The following EGFR variants were observed in gnomAD, a reference collection of about 807,000 sequenced individuals.
EGFR encodes avian erythroblastic leukemia viral (v-erb-b) oncogene homolog.
EGFR carries 58 observed loss-of-function variants against 143.0 expected under a neutral mutation model. That is an observed-to-expected ratio of 0.41 (90% CI 0.33 to 0.50). The LOEUF is 0.50. EGFR is among the 20% of genes least tolerant of loss of function. The pLI, the probability that EGFR is intolerant of heterozygous loss-of-function variation, is 0.39. For missense variants in EGFR, 1,307 were observed against 1,579.0 expected (o/e 0.83, Z 2.92); for synonymous variants, 613 against 594.4 (o/e 1.03, Z -0.45).
chr7:55,129,710 T>A (rs2128919226), intron 1 of EGFR, among the ~76,000 whole-genome samples: 1 of 152,338 alleles, frequency 6.6e-6, no homozygotes, highest in Non-Finnish European at 1.5e-5. Flanking sequence ...TTTCAGGACC[T>A]TGTATCTTAC....
intron 6 of EGFR, among the ~76,000 whole-genome samples, chr7:55,153,638 C>A (rs1785264873): frequency 6.6e-6 from 1 of 152,178 alleles, no homozygotes; most frequent in Admixed American, 6.5e-5. Context: ...ATAAAATATA[C>A]CCTCAATTGT....
intron 1 of EGFR, among the ~76,000 whole-genome samples, chr7:55,032,065 T>C (rs571157474): frequency 6.6e-6 from 1 of 152,174 alleles, no homozygotes; most frequent in Non-Finnish European, 1.5e-5. Context: ...TTTTCAAGGT[T>C]GATTTTTAGT....
At chr7:55,160,016 A>G (rs1785616818) in intron 11 of EGFR, 123 bp from the exon 12 acceptor site, 1 of 1,037,700 alleles carries the variant, frequency 9.6e-7, no homozygotes. Flanking sequence ...CTCCCACAGC[A>G]TGACCTACCA....
At chr7:55,187,423 C>T (rs1296848410) in intron 20 of EGFR, among the ~76,000 whole-genome samples, 1 of 152,136 alleles carries the variant, frequency 6.6e-6, no homozygotes, top group Non-Finnish European at 1.5e-5. Context: ...GGCCTGGTTC[C>T]ATGGTGCAGC....
At chr7:55,202,310 T>G (rs887945110) in intron 26 of EGFR, among the ~76,000 whole-genome samples, 1 of 152,224 alleles carries the variant, frequency 6.6e-6, no homozygotes, top group Non-Finnish European at 1.5e-5. Flanking sequence ...CTGCGGAAAG[T>G]TCTGCTGTAC....
intron 1 of EGFR, among the ~76,000 whole-genome samples, chr7:55,090,062 G>A (rs977315454): frequency 2.6e-5 from 4 of 152,048 alleles, no homozygotes; most frequent in South Asian, 2.1e-4. Flanking sequence ...TCTGCCTCCC[G>A]GGTTCAAGTG....
At chr7:55,085,719 C>A (rs1438855940) in intron 1 of EGFR, among the ~76,000 whole-genome samples, 1 of 152,184 alleles carries the variant, frequency 6.6e-6, no homozygotes, top group Admixed American at 6.5e-5. Context: ...TGCGAAGGAT[C>A]AAGGCAGAGT....
At chr7:55,110,630 TA>T (rs763566013) in intron 1 of EGFR, among the ~76,000 whole-genome samples, 2 of 152,270 alleles carry the variant, frequency 1.3e-5, no homozygotes, top group African/African-American at 2.4e-5. Flanking sequence ...GACTGGGAAT[TA>T]AGGAGCAAAG....
At chr7:55,112,238 G>A (rs1267624069) in intron 1 of EGFR, among the ~76,000 whole-genome samples, 1 of 152,206 alleles carries the variant, frequency 6.6e-6, no homozygotes, top group Non-Finnish European at 1.5e-5. Flanking sequence ...CACGATTTAA[G>A]GGTGGTTCAG....
rs397517125 is a variant in EGFR, at chr7:55,181,473, G to T, written c.2464G>T (p.Ala822Ser). The change falls in exon 20 of 28, where the codon GCA becomes TCA. Residue 822 changes from alanine (A) to serine (S), a missense_variant. Ala to Ser is a moderately conservative substitution (Grantham distance 99). This residue lies in a region of EGFR where 348 missense variants were observed against 451.5 expected (regional missense o/e 0.77). Coordinates refer to ENST00000275493, the MANE Select transcript of EGFR (RefSeq NM_005228.5). ...CCTGCTCAACTGGTGTGTGCAGATC[G>T]CAAAGGTAATCAGGGAAGGGAGATA... ...QYLLNWCVQI[A>S]KGMNYLEDRR... 3 of 1,614,194 alleles carry T rather than the reference G, an allele frequency of 1.9e-6. No homozygotes were observed. Among genetic ancestry groups the T allele is most frequent in the Admixed American group, 1.7e-5 (1 of 60,032 alleles).
intron 1 of EGFR, among the ~76,000 whole-genome samples, chr7:55,128,472 C>T (rs1296707083): frequency 1.3e-5 from 2 of 152,128 alleles, no homozygotes; most frequent in African/African-American, 4.8e-5. Flanking sequence ...AATCACAAAA[C>T]ATTTTCAAAA....
intron 1 of EGFR, among the ~76,000 whole-genome samples, chr7:55,080,664 A>C (rs1323524977): frequency 6.6e-5 from 10 of 152,294 alleles, no homozygotes; most frequent in Non-Finnish European, 1.2e-4. Context: ...TGTATACATG[A>C]AAATTGCTAA....
rs1204280975 is a variant in EGFR at position 55,155,864 on chromosome 7, C to A, written c.924C>A (p.Val308=). The change falls in exon 8 of 28, where the codon GTC becomes GTA. Residue 308 remains valine (V), a synonymous_variant. Coordinates refer to ENST00000275493, the MANE Select transcript of EGFR (RefSeq NM_005228.5). ...NYVVTDHGSC[V]RACGADSYEM... ...TGGTGACAGATCACGGCTCGTGCGT[C>A]CGAGCCTGTGGGGCCGACAGCTATG... The A allele has an allele frequency of 6.2e-7, 1 of 1,613,946 alleles. No individual in the cohort carries two copies. Among genetic ancestry groups the A allele is most frequent in the Non-Finnish European group, 8.5e-7 (1 of 1,179,984 alleles).
chr7:55,090,332 G>A (rs11981148), intron 1 of EGFR, among the ~76,000 whole-genome samples: 28,963 of 151,856 alleles, frequency 0.19, 3,130 homozygotes, highest in African/African-American at 0.28. Context: ...GGTACACAGC[G>A]CTTGTGTGCT....
intron 1 of EGFR, among the ~76,000 whole-genome samples, chr7:55,099,091 A>G (rs1791650538): frequency 6.6e-6 from 1 of 152,216 alleles, no homozygotes; most frequent in African/African-American, 2.4e-5. Flanking sequence ...ATCAATTTCT[A>G]AAACAGCCCT....
chr7:55,027,603 T>C (rs887211636), intron 1 of EGFR, among the ~76,000 whole-genome samples: 8 of 152,196 alleles, frequency 5.3e-5, no homozygotes, highest in Non-Finnish European at 1.2e-4. Flanking sequence ...TTATAGTTGA[T>C]AGCTTTAACT....
At chr7:55,086,437 G>A (rs1673405531) in intron 1 of EGFR, among the ~76,000 whole-genome samples, 1 of 152,270 alleles carries the variant, frequency 6.6e-6, no homozygotes, top group African/African-American at 2.4e-5. Flanking sequence ...TTTTCTGTGA[G>A]TCAATTCTTT....
chr7:55,068,080 G>T (rs1268527942), intron 1 of EGFR, among the ~76,000 whole-genome samples: 1 of 145,516 alleles, frequency 6.9e-6, no homozygotes, highest in Non-Finnish European at 1.5e-5. Flanking sequence ...ATACGTGTGT[G>T]TGTGTGCACA....
chr7:55,129,258 C>G (rs544868449), intron 1 of EGFR, among the ~76,000 whole-genome samples: 8 of 152,254 alleles, frequency 5.3e-5, no homozygotes, highest in African/African-American at 1.9e-4. Flanking sequence ...AGGCCACACA[C>G]GTGGAATTCC....
Sources: gnomAD v4.1 joint callset for allele counts (sites outside exome capture counted in the v4.1 genomes callset) on GRCh38, gnomAD v4.1.1 for gene constraint, gnomAD v4.1.1 regional missense constraint, MANE v1.5 for transcripts, NCBI Gene and HGNC (gene_info 2026-07-23, HGNC 2026-07-21) for gene names.